RAB11FIP3: variants seen among roughly 807,000 people sequenced by gnomAD.
RAB11FIP3 encodes RAB11 family interacting protein 3.
RAB11FIP3 carries 17 observed loss-of-function variants against 77.8 expected under a neutral mutation model. That is an observed-to-expected ratio of 0.22 (90% confidence interval 0.15 to 0.33). The LOEUF is 0.33. Ranked by LOEUF, RAB11FIP3 falls within the 10% of genes least tolerant of loss-of-function variation. The pLI, the probability that RAB11FIP3 is intolerant of heterozygous loss-of-function variation, is 1.00. For missense variants in RAB11FIP3, 1,005 were observed against 1,011.2 expected, an observed-to-expected ratio of 0.99 and a Z score of 0.08; for synonymous variants, 437 against 448.2, an observed-to-expected ratio of 0.98 and a Z score of 0.31.
intron 3 of RAB11FIP3, among the ~76,000 whole-genome samples, chr16:477,961 A>G (rs926694): frequency 0.4 from 60,603 of 151,878 alleles, 13,737 homozygotes; most frequent in Middle Eastern, 0.53. Context: ...ACCTTGTGAG[A>G]CGAGAATTTA....
chr16:486,165 A>G (rs2056149382), intron 4 of RAB11FIP3, among the ~76,000 whole-genome samples: 1 of 152,174 alleles, frequency 6.6e-6, no homozygotes, highest in African/African-American at 2.4e-5. Context: ...TGGCCTCCCA[A>G]AATGCTGGGA....
At chr16:452,981 C>G (rs1339278845) in intron 1 of RAB11FIP3, among the ~76,000 whole-genome samples, 1 of 67,356 alleles carries the variant, frequency 1.5e-5, no homozygotes, top group African/African-American at 6.8e-5. Context: ...GTCTCGATCT[C>G]CTGACCTCGT....
chr16:447,464 C>G (rs372887732), intron 1 of RAB11FIP3, among the ~76,000 whole-genome samples: 1 of 152,096 alleles, frequency 6.6e-6, no homozygotes, highest in African/African-American at 2.4e-5. Flanking sequence ...TGTGGCCGGG[C>G]GCAGTGGCTC....
intron 2 of RAB11FIP3, among the ~76,000 whole-genome samples, chr16:462,335 C>A (rs529409949): frequency 1.3e-5 from 2 of 152,302 alleles, no homozygotes; most frequent in African/African-American, 4.8e-5. Context: ...GATTCTCCTG[C>A]CTGAGCTGGG....
chr16:492,015 G>C (rs921289270), intron 5 of RAB11FIP3, among the ~76,000 whole-genome samples: 5 of 152,206 alleles, frequency 3.3e-5, no homozygotes, highest in African/African-American at 1.2e-4. Context: ...TGGCAGAAAG[G>C]TGAGTTATCC....
In RAB11FIP3 at chr16:507,561, G is replaced by A. The variant is rs911118593; in HGVS notation, c.1499+1934G>A. ...CATGTCCAGCCTAGATGCCTTTGTC[G>A]AGTTGACTGTGGAGGTTTCATTTGA... is the stretch of plus-strand genomic sequence containing the variant. On this transcript the variant is annotated intron_variant, in intron 8 of 13. Transcript: ENST00000262305. This position sits in a 1 kb window ranked among gnomAD's most constrained non-coding sequence, Gnocchi z 4.6. 6.6e-6 allele frequency among the ~76,000 whole-genome samples: 1 copy of A among 152,178 alleles called. No homozygotes were observed. Among genetic ancestry groups the A allele is most frequent in the Non-Finnish European group, 1.5e-5 (1 of 68,036 alleles).
At chr16:500,974 C>T (rs531435675) in intron 6 of RAB11FIP3, among the ~76,000 whole-genome samples, 44 of 152,216 alleles carry the variant, frequency 2.9e-4, no homozygotes, top group Middle Eastern at 3.4e-3. Flanking sequence ...TTAAGAGCAG[C>T]GACTGGCCAA....
intron 1 of RAB11FIP3, among the ~76,000 whole-genome samples, chr16:447,481 G>A (rs531575289): frequency 2.6e-5 from 4 of 152,262 alleles, no homozygotes; most frequent in African/African-American, 7.2e-5. Context: ...GCTCACACCT[G>A]TAATCCCAGC....
At chr16:459,107 A>G (rs941788783) in intron 1 of RAB11FIP3, among the ~76,000 whole-genome samples, 2 of 149,522 alleles carry the variant, frequency 1.3e-5, no homozygotes, top group Non-Finnish European at 1.5e-5. Context: ...ATCATCAAAT[A>G]TTTATCAGTG....
At chr16:489,542 T>C (rs1164009377) in intron 5 of RAB11FIP3, among the ~76,000 whole-genome samples, 1 of 152,182 alleles carries the variant, frequency 6.6e-6, no homozygotes, top group African/African-American at 2.4e-5. Context: ...TTCTGAGGGC[T>C]AGGGGCTCCC....
At chr16:466,332 A>G (rs1466199271) in intron 2 of RAB11FIP3, among the ~76,000 whole-genome samples, 6 of 152,186 alleles carry the variant, frequency 3.9e-5, no homozygotes, top group Non-Finnish European at 1.5e-5. Context: ...GGCCCCGGGT[A>G]CCATGACATG....
chr16:481,411 T>C (rs913075298), intron 3 of RAB11FIP3, among the ~76,000 whole-genome samples: 10 of 152,120 alleles, frequency 6.6e-5, no homozygotes, highest in African/African-American at 2.2e-4. Flanking sequence ...CTCAGGAGGC[T>C]GAGGCAGGAG....
chr16:464,783 C>G (rs971538700), intron 2 of RAB11FIP3, among the ~76,000 whole-genome samples: 1 of 152,158 alleles, frequency 6.6e-6, no homozygotes, highest in Admixed American at 6.5e-5. Context: ...GTCCCAGCTA[C>G]TTGGGAGGTT....
chr16:492,414 C>T (rs12444527), intron 5 of RAB11FIP3, among the ~76,000 whole-genome samples: 2,606 of 95,752 alleles, frequency 0.027, 80 homozygotes, highest in African/African-American at 0.14. Context: ...CCCGAGGCCG[C>T]CCAGGGCCCT....
chr16:492,361 C>CCCGGGAGA (rs1567391768), intron 5 of RAB11FIP3, among the ~76,000 whole-genome samples: 1 of 139,144 alleles, frequency 7.2e-6, no homozygotes, highest in Non-Finnish European at 1.5e-5. Flanking sequence ...TGAAGAGGGT[C>CCCGGGAGA]TTCCCGGGAG....
rs1279594331 is a variant in RAB11FIP3 at position 482,448 on chromosome 16, T to C, written c.904-77T>C. On this transcript the variant is annotated intron_variant, in intron 3 of 13. Coordinates refer to ENST00000262305, the MANE Select transcript of RAB11FIP3 (RefSeq NM_014700.4). ...CTCCACACTGCCCTCTCCAGGGCCT[T>C]GCAGCAGTGAGGTGTGGGGCGTTCG... 2.9e-6 allele frequency: 4 copies of C among 1,376,176 alleles called. No homozygotes were observed. In the South Asian group the frequency reaches 3.5e-5, roughly 12 times the overall value. 85.2% of individuals were successfully genotyped at this position (1,376,176 alleles called of 1,614,324 possible).
intron 2 of RAB11FIP3, among the ~76,000 whole-genome samples, chr16:470,950 G>T (rs2055796776): frequency 6.6e-6 from 1 of 150,504 alleles, no homozygotes; most frequent in African/African-American, 2.4e-5. Context: ...AAAGGCCATG[G>T]ACAGTTTTAT....
intron 6 of RAB11FIP3, chr16:497,520 G>C: frequency 8.6e-7 from 1 of 1,160,816 alleles, no homozygotes; most frequent in Non-Finnish European, 1.1e-6. Flanking sequence ...CATCTGGCAG[G>C]GCTGGGAGAC....
At chr16:484,122 C>G (rs2056102516) in intron 4 of RAB11FIP3, among the ~76,000 whole-genome samples, 2 of 152,164 alleles carry the variant, frequency 1.3e-5, no homozygotes, top group African/African-American at 2.4e-5. Flanking sequence ...ACATAATATA[C>G]CCACAAGTAA....
Sources: gnomAD v4.1 joint callset for allele counts (sites outside exome capture counted in the v4.1 genomes callset) on GRCh38, gnomAD v4.1.1 for gene constraint, Gnocchi (gnomAD v3.1) non-coding constraint, MANE v1.5 for transcripts, NCBI Gene and HGNC (gene_info 2026-07-23, HGNC 2026-07-21) for gene names.